Variants in ARHGAP25 observed in about 807,000 individuals in gnomAD.
ARHGAP25 encodes the protein rho GTPase-activating protein 25.
In ARHGAP25, 34 loss-of-function variants were observed where a neutral mutation model predicts 71.0. That is an observed-to-expected ratio of 0.48 (90% CI 0.36 to 0.64). The LOEUF (loss-of-function observed/expected upper bound fraction) is 0.64. ARHGAP25 is among the 30% of genes least tolerant of loss of function. ARHGAP25 has a pLI of 0.00. For missense variants in ARHGAP25, 706 were observed against 805.1 expected (o/e 0.88, Z 1.49); for synonymous variants, 282 against 296.5 (o/e 0.95, Z 0.50).
chr2:68,822,935 G>A (rs1681819899), intron 10 of ARHGAP25, 63 bp downstream of exon 10: 24 of 1,474,316 alleles, frequency 1.6e-5, no homozygotes, highest in Non-Finnish European at 2.2e-5. Flanking sequence ...AAGAGGGATT[G>A]TTCCCATCCG....
intron 2 of ARHGAP25, among the ~76,000 whole-genome samples, chr2:68,776,085 A>G (rs1454148292): frequency 1.3e-5 from 2 of 152,276 alleles, no homozygotes; most frequent in Middle Eastern, 3.4e-3. Flanking sequence ...AGCTGGGTAG[A>G]TCTCTGGGGA....
intron 2 of ARHGAP25, among the ~76,000 whole-genome samples, chr2:68,775,968 G>T (rs188101010): frequency 6.6e-6 from 1 of 152,226 alleles, no homozygotes; most frequent in Admixed American, 6.5e-5. Flanking sequence ...AATAGGATGA[G>T]CTAGCAGATG....
intron 2 of ARHGAP25, among the ~76,000 whole-genome samples, chr2:68,722,221 A>C (rs935634337): frequency 6.6e-6 from 1 of 152,232 alleles, no homozygotes; most frequent in Non-Finnish European, 1.5e-5. Flanking sequence ...TTAATAAGCC[A>C]CAAGCTCTAA....
At chr2:68,716,926 A>C (rs998354402) in intron 2 of ARHGAP25, among the ~76,000 whole-genome samples, 1 of 152,188 alleles carries the variant, frequency 6.6e-6, no homozygotes, top group Non-Finnish European at 1.5e-5. Flanking sequence ...TATTTTTCGC[A>C]GTATTTGTTT....
intron 2 of ARHGAP25, among the ~76,000 whole-genome samples, chr2:68,718,252 T>G (rs2104252407): frequency 6.6e-6 from 1 of 152,198 alleles, no homozygotes; most frequent in Non-Finnish European, 1.5e-5. Context: ...CAGCATCACA[T>G]CACATTTTCT....
At chr2:68,751,914 T>G (rs577957896) in intron 1 of ARHGAP25, among the ~76,000 whole-genome samples, 1 of 152,168 alleles carries the variant, frequency 6.6e-6, no homozygotes, top group South Asian at 2.1e-4. Flanking sequence ...ACGCTGGGAG[T>G]GGCCACTAGA....
rs1682105505 is a variant in ARHGAP25, at chr2:68,826,058, A to G, written c.1805A>G (p.Lys602Arg). ...RLNEELEKEK[K>R]KSAALEISLR... ...AATGAAGAACTGGAGAAGGAAAAGA[A>G]GAAGTCTGCAGCCCTAGAGATCAGC... The change falls in exon 11 of 11, where the codon AAG becomes AGG. Residue 602 changes from lysine (K) to arginine (R), a missense_variant. Transcript: ENST00000409202. 1 of 1,614,128 alleles carries G rather than the reference A, an allele frequency of 6.2e-7. No homozygotes were observed. The highest frequency in any genetic ancestry group is 1.1e-5 in the South Asian group (1 of 91,084).
At chr2:68,763,810 T>C (rs1375725328) in intron 1 of ARHGAP25, among the ~76,000 whole-genome samples, 1 of 152,202 alleles carries the variant, frequency 6.6e-6, no homozygotes, top group African/African-American at 2.4e-5. Context: ...ACTGTTTCCA[T>C]GGTGGGTTTT....
chr2:68,808,785 T>C (rs1680564893), intron 5 of ARHGAP25, among the ~76,000 whole-genome samples: 2 of 152,348 alleles, frequency 1.3e-5, no homozygotes, highest in South Asian at 4.1e-4. Flanking sequence ...CAATGCCATA[T>C]AGTGTGCCAA....
rs764144032 is a variant in ARHGAP25, at chr2:68,822,429, A to G, written c.1290A>G (p.Pro430=). 6.2e-7 allele frequency: 1 copy of G among 1,614,190 alleles called. No homozygotes were observed. Among genetic ancestry groups the G allele is most frequent in the Non-Finnish European group, 8.5e-7 (1 of 1,180,020 alleles). ...GCAGCAAAGTACCCAGGGAAAAGCC[A>G]GGAGACTGGAAAATGCAATCTCGTA... ...EDSSKVPREK[P]GDWKMQSRKR... Residue 430 remains proline, a synonymous_variant, in exon 10 of 11, where the codon CCA becomes CCG. Coordinates refer to ENST00000409202, the MANE Select transcript of ARHGAP25 (RefSeq NM_001007231.3).
chr2:68,750,721 T>G (rs1382328381), intron 1 of ARHGAP25, among the ~76,000 whole-genome samples: 1 of 152,236 alleles, frequency 6.6e-6, no homozygotes, highest in Non-Finnish European at 1.5e-5. Context: ...AAGGCATTCC[T>G]TCTTCTCTGA....
intron 1 of ARHGAP25, among the ~76,000 whole-genome samples, chr2:68,756,790 C>CTG (rs1676506573): frequency 6.6e-6 from 1 of 151,960 alleles, no homozygotes; most frequent in Non-Finnish European, 1.5e-5. Context: ...ACGTATGGCC[C>CTG]ACTCAAAGGG....
chr2:68,740,359 C>A (rs1029861181), intron 1 of ARHGAP25, among the ~76,000 whole-genome samples: 1 of 152,220 alleles, frequency 6.6e-6, no homozygotes, highest in Non-Finnish European at 1.5e-5. Flanking sequence ...TATGTATAGA[C>A]CCTCTGCATG....
chr2:68,758,760 C>G (rs559311250), intron 1 of ARHGAP25, among the ~76,000 whole-genome samples: 2 of 151,890 alleles, frequency 1.3e-5, no homozygotes, highest in East Asian at 3.9e-4. Flanking sequence ...CCAACTAGAT[C>G]TAAGAGACAT....
At chr2:68,725,107 C>T (rs1674852087) in intron 2 of ARHGAP25, among the ~76,000 whole-genome samples, 2 of 152,184 alleles carry the variant, frequency 1.3e-5, no homozygotes, top group African/African-American at 4.8e-5. Flanking sequence ...CCTGACTAGA[C>T]TCCAGCCCCA....
At chr2:68,732,241 G>A (rs1276781534), upstream of ARHGAP25, among the ~76,000 whole-genome samples, 4 of 152,096 alleles carry the variant, frequency 2.6e-5, no homozygotes, top group Non-Finnish European at 5.9e-5. Context: ...TTGCCTTTCC[G>A]CATCTGCACA....
chr2:68,818,466 T>C (rs1307778659), intron 8 of ARHGAP25, among the ~76,000 whole-genome samples: 1 of 152,212 alleles, frequency 6.6e-6, no homozygotes, highest in Non-Finnish European at 1.5e-5. Context: ...TAGCTGGGAC[T>C]ACAGGCATAA....
chr2:68,766,039 T>C (rs1220921074), intron 1 of ARHGAP25, among the ~76,000 whole-genome samples: 1 of 152,226 alleles, frequency 6.6e-6, no homozygotes, highest in East Asian at 1.9e-4. Context: ...CATCCATGCT[T>C]ATGCAATACA....
At position 68,826,026 on chromosome 2, in the gene ARHGAP25, G is replaced by C; in HGVS notation, c.1773G>C (p.Val591=). The C allele has an allele frequency of 5.6e-6, 9 of 1,614,008 alleles. No homozygotes were observed. Among genetic ancestry groups the C allele is most frequent in the Non-Finnish European group, 7.6e-6 (9 of 1,180,018 alleles). ...KENYDVWAKV[V]RLNEELEKEK... ...ATTATGACGTTTGGGCTAAAGTGGT[G>C]AGGCTCAATGAAGAACTGGAGAAGG... The change falls in exon 11 of 11, where the codon GTG becomes GTC. Residue 591 remains valine (V), a synonymous_variant. Transcript: ENST00000409202.
Sources: allele counts gnomAD v4.1 joint callset (sites outside exome capture counted in the v4.1 genomes callset), GRCh38; gene constraint gnomAD v4.1.1; transcripts MANE v1.5; gene names NCBI Gene and HGNC (gene_info 2026-07-23, HGNC 2026-07-21).